The following MEI4 variants were observed in gnomAD, a reference collection of about 807,000 sequenced individuals.
MEI4 encodes the protein meiotic double-stranded break formation protein 4.
In MEI4, 27 loss-of-function variants were observed where a neutral mutation model predicts 31.4. The ratio of observed to expected loss-of-function variants is 0.86; its 90% CI spans 0.63 to 1.19. The LOEUF (loss-of-function observed/expected upper bound fraction) is 1.19, where lower values mean the gene tolerates loss of function less well. Among genes scored for constraint, MEI4 ranks in the 50% most tolerant of loss-of-function variants. The pLI is 0.00. For synonymous variants in MEI4, 122 were observed against 145.4 expected, an observed-to-expected ratio of 0.84 and a Z score of 1.16; for missense variants, 329 against 398.9, an observed-to-expected ratio of 0.82 and a Z score of 1.49.
At chr6:77,818,365 A>C (rs751560171) in intron 3 of MEI4, among the ~76,000 whole-genome samples, 16 of 152,132 alleles carry the variant, frequency 1.1e-4, no homozygotes, top group Non-Finnish European at 2.4e-4. Flanking sequence ...GTATAATGGT[A>C]TATGATCTAT....
chr6:77,830,157 G>A (rs1187594876), intron 4 of MEI4, among the ~76,000 whole-genome samples: 1 of 152,046 alleles, frequency 6.6e-6, no homozygotes, highest in Non-Finnish European at 1.5e-5. Context: ...ATAATTTACA[G>A]AAAAGGAAGT....
chr6:77,823,798 G>T (rs1314009369), intron 3 of MEI4, among the ~76,000 whole-genome samples: 1 of 152,148 alleles, frequency 6.6e-6, no homozygotes, highest in Non-Finnish European at 1.5e-5. Context: ...AAACACATTA[G>T]TGGCATTACT....
intron 2 of MEI4, among the ~76,000 whole-genome samples, chr6:77,734,259 T>G (rs1222939553): frequency 6.6e-6 from 1 of 151,854 alleles, no homozygotes; most frequent in Non-Finnish European, 1.5e-5. Flanking sequence ...TGTGTGGGAG[T>G]CTAAGTCTCT....
upstream of MEI4, among the ~76,000 whole-genome samples, chr6:77,650,542 T>C (rs947679138): frequency 4.6e-5 from 7 of 152,194 alleles, no homozygotes; most frequent in Admixed American, 3.9e-4. Context: ...CGTGCCCGCT[T>C]GAGGGCGCCC....
chr6:77,728,640 G>C (rs898440857), intron 2 of MEI4, among the ~76,000 whole-genome samples: 1 of 152,210 alleles, frequency 6.6e-6, no homozygotes, highest in African/African-American at 2.4e-5. Context: ...CACTAATTTA[G>C]ACTGGATCGT....
At position 77,923,488 on chromosome 6, in the gene MEI4, GT is replaced by G; in HGVS notation, c.*144del. 4 of 729,440 alleles carry G rather than the reference GT, an allele frequency of 5.5e-6. No homozygotes were observed. The highest frequency in any genetic ancestry group is 7.5e-6 in the Non-Finnish European group (4 of 533,438). The allele number at this position is 729,440 out of a possible 1,614,324, so 45.2% of individuals were successfully genotyped here. Reference sequence around the variant, plus strand: ...ATATAATTATCAATTCAACTTAATGGTTAGTCTTAAATTGTATGAAATTTTA... The same window carrying G: ...ATATAATTATCAATTCAACTTAATGGTAGTCTTAAATTGTATGAAATTTTA... On this transcript the variant is annotated 3_prime_UTR_variant, in exon 5 of 5. Coordinates refer to ENST00000684080, the MANE Select transcript of MEI4 (RefSeq NM_001322247.2).
rs183301337 is a variant in MEI4 at position 77,687,561 on chromosome 6, G to A, written c.-14-3097G>A. ...CCATCAGACTGCACTCAGTTTAAATGCCAGTTGCAGGTACTGGGCCCGTAG... is the reference window on the plus strand; with the variant it reads ...CCATCAGACTGCACTCAGTTTAAATACCAGTTGCAGGTACTGGGCCCGTAG... On this transcript the variant is annotated intron_variant, in intron 1 of 4. Coordinates refer to ENST00000684080, the MANE Select transcript of MEI4 (RefSeq NM_001322247.2). Among the ~76,000 whole-genome samples, 5 of 152,210 alleles carry A rather than the reference G, an allele frequency of 3.3e-5. No individual in the cohort carries two copies. The East Asian group carries it at 9.7e-4, about 29-fold the overall frequency.
intron 1 of MEI4, among the ~76,000 whole-genome samples, chr6:77,672,300 G>A (rs981916896): frequency 2.0e-5 from 3 of 152,148 alleles, no homozygotes; most frequent in Non-Finnish European, 4.4e-5. Flanking sequence ...AGCAGTTATC[G>A]CTGTGTCAAA....
At position 77,923,892 on chromosome 6, in the gene MEI4, T is replaced by TTTA. The variant is rs1478042939; in HGVS notation, c.*549_*551dup. The TTTA allele has an allele frequency of 6.6e-6, 1 of 151,830 alleles. No individual in the cohort carries two copies. Among genetic ancestry groups the TTTA allele is most frequent in the African/African-American group, 2.4e-5 (1 of 41,414 alleles). The allele number at this position is 151,830 out of a possible 1,614,324, so 9.4% of individuals were successfully genotyped here. A position where few individuals can be genotyped will look rare whatever the true frequency, so the allele number is the denominator to read the frequency against. ...TTAACATTTGGAAACTTAATTGCTT[T>TTTA]TTATTTATTTCAATTTCATATGGCT... On this transcript the variant is annotated 3_prime_UTR_variant, in exon 5 of 5. Coordinates refer to ENST00000684080, the MANE Select transcript of MEI4 (RefSeq NM_001322247.2).
At chr6:77,878,828 C>A (rs1193712038) in intron 4 of MEI4, among the ~76,000 whole-genome samples, 1 of 152,084 alleles carries the variant, frequency 6.6e-6, no homozygotes, top group Non-Finnish European at 1.5e-5. Context: ...TAACAGAGGT[C>A]TGGGTCTAGG....
At chr6:77,897,220 A>T (rs1766099676) in intron 4 of MEI4, among the ~76,000 whole-genome samples, 3 of 152,076 alleles carry the variant, frequency 2.0e-5, no homozygotes, top group African/African-American at 7.2e-5. Context: ...AAAGAGTGTT[A>T]CTTACAAAGT....
At chr6:77,695,858 A>G (rs1766021762) in intron 2 of MEI4, among the ~76,000 whole-genome samples, 1 of 152,192 alleles carries the variant, frequency 6.6e-6, no homozygotes, top group African/African-American at 2.4e-5. Flanking sequence ...CTTGGGCAGT[A>G]TGGCCATTTT....
intron 1 of MEI4, among the ~76,000 whole-genome samples, chr6:77,658,238 G>A (rs551882973): frequency 2.6e-5 from 4 of 152,166 alleles, no homozygotes; most frequent in Non-Finnish European, 5.9e-5. Flanking sequence ...TCAAGGGTGG[G>A]GAGAATTACA....
chr6:77,753,213 C>T (rs1464716594), intron 2 of MEI4, among the ~76,000 whole-genome samples: 1 of 152,168 alleles, frequency 6.6e-6, no homozygotes, highest in Non-Finnish European at 1.5e-5. Context: ...ATGACTAAAA[C>T]ACCCAAAGCA....
intron 1 of MEI4, among the ~76,000 whole-genome samples, chr6:77,685,731 G>T (rs1388749024): frequency 6.6e-6 from 1 of 152,042 alleles, no homozygotes; most frequent in Non-Finnish European, 1.5e-5. Context: ...TATGGTATGG[G>T]ATAAGGGTCC....
At chr6:77,673,427 G>T (rs1249042469) in intron 1 of MEI4, among the ~76,000 whole-genome samples, 1 of 152,194 alleles carries the variant, frequency 6.6e-6, no homozygotes, top group Non-Finnish European at 1.5e-5. Flanking sequence ...GAGATGCAGA[G>T]ATTGCTCTGA....
intron 3 of MEI4, among the ~76,000 whole-genome samples, chr6:77,793,683 G>A (rs1381257946): frequency 6.6e-6 from 1 of 152,174 alleles, no homozygotes; most frequent in Non-Finnish European, 1.5e-5. Context: ...AGAAGTCAGT[G>A]TAATTTTTGT....
chr6:77,687,003 A>G (rs2127651241), intron 1 of MEI4, among the ~76,000 whole-genome samples: 1 of 152,118 alleles, frequency 6.6e-6, no homozygotes, highest in South Asian at 2.1e-4. Flanking sequence ...TTAAAGTTCA[A>G]TAAGGAAAAA....
chr6:77,844,126 G>A (rs187595256), intron 4 of MEI4, among the ~76,000 whole-genome samples: 11 of 152,252 alleles, frequency 7.2e-5, no homozygotes, highest in African/African-American at 2.2e-4. Flanking sequence ...TTTCTGGAGA[G>A]TGTCTCAAGG....
Sources: gnomAD v4.1 joint callset for allele counts (sites outside exome capture counted in the v4.1 genomes callset) on GRCh38, gnomAD v4.1.1 for gene constraint, MANE v1.5 for transcripts, NCBI Gene and HGNC (gene_info 2026-07-23, HGNC 2026-07-21) for gene names.